ANK3: variants seen among roughly 807,000 people sequenced by gnomAD.
ANK3 encodes ankyrin 3, also known as ankyrin-3.
Under a neutral mutation model 370.9 loss-of-function variants are expected in ANK3, and 57 were observed. The observed-to-expected ratio is 0.15, with a 90% CI of 0.12 to 0.19. ANK3 has a LOEUF of 0.19. Ranked by LOEUF, ANK3 falls within the 10% of genes least tolerant of loss-of-function variation. The pLI is 1.00. For synonymous variants in ANK3, 1,929 were observed against 1,946.3 expected (o/e 0.99, Z 0.23); for missense variants, 4,439 against 5,302.1 (o/e 0.84, Z 5.06).
intron 23 of ANK3, among the ~76,000 whole-genome samples, chr10:60,166,045 T>C (rs1003292298): frequency 1.7e-4 from 26 of 152,270 alleles, no homozygotes; most frequent in African/African-American, 6.3e-4. Context: ...ACATAAAGTA[T>C]AGCTACAATA....
At chr10:60,269,700 C>A (rs1455441627) in intron 5 of ANK3, among the ~76,000 whole-genome samples, 1 of 130,132 alleles carries the variant, frequency 7.7e-6, no homozygotes, top group Non-Finnish European at 1.5e-5. Context: ...TGAATTAAGT[C>A]TAGTTAACTT....
At chr10:60,673,931 T>C (rs74155664) in intron 1 of ANK3, among the ~76,000 whole-genome samples, 1,641 of 152,248 alleles carry the variant, frequency 0.011, 25 homozygotes, top group African/African-American at 0.037. Flanking sequence ...AGGCTGTCTC[T>C]ACACTGGGTG....
intron 1 of ANK3, among the ~76,000 whole-genome samples, chr10:60,345,324 T>G (rs540597582): frequency 1.3e-5 from 2 of 152,302 alleles, no homozygotes; most frequent in South Asian, 4.1e-4. Flanking sequence ...GTTTTAATAG[T>G]TGGCATGCCA....
chr10:60,628,582 G>A (rs913264644), intron 1 of ANK3, among the ~76,000 whole-genome samples: 21 of 152,160 alleles, frequency 1.4e-4, no homozygotes, highest in African/African-American at 5.1e-4. Context: ...AGGAAAGATT[G>A]TTGGAGAGCT....
chr10:60,262,837 T>A (rs1220738619), intron 6 of ANK3, among the ~76,000 whole-genome samples: 3 of 152,180 alleles, frequency 2.0e-5, no homozygotes, highest in Non-Finnish European at 4.4e-5. Context: ...ACATCTAAAG[T>A]GTCCAGACTC....
At position 60,072,702 on chromosome 10, in the gene ANK3, G is replaced by T. The variant is rs1251318793; in HGVS notation, c.8179C>A (p.His2727Asn). ...TGAGACATGTCCTTACTTTTTGCGT[G>T]TGTGCCTTGTTCAAATTTTAATCTA... Reference protein sequence around the residue: ...SIRLKFEQGTHAKSKDMSQED... With the variant: ...SIRLKFEQGTNAKSKDMSQED... The change falls in exon 37 of 44, where the codon CAC becomes AAC. Residue 2727 changes from histidine to asparagine, a missense_variant. Coordinates refer to ENST00000280772, the MANE Select transcript of ANK3 (RefSeq NM_020987.5). The T allele has an allele frequency of 6.2e-7, 1 of 1,613,664 alleles. No homozygotes were observed. Among genetic ancestry groups the T allele is most frequent in the Admixed American group, 1.7e-5 (1 of 59,926 alleles).
intron 10 of ANK3, 148 bp downstream of exon 10, chr10:60,207,888 T>C (rs1565683237): frequency 1.4e-6 from 1 of 717,908 alleles, no homozygotes; most frequent in African/African-American, 1.8e-5. Context: ...TTGTAGACTT[T>C]CCTGAAGGAT....
chr10:60,362,602 C>T (rs376729438), intron 1 of ANK3, among the ~76,000 whole-genome samples: 28 of 152,230 alleles, frequency 1.8e-4, no homozygotes, highest in Middle Eastern at 3.4e-3. Context: ...GTGGTCAGGG[C>T]TGTGGTTTTG....
intron 2 of ANK3, among the ~76,000 whole-genome samples, chr10:60,481,342 T>C (rs1008915093): frequency 6.6e-6 from 1 of 152,206 alleles, no homozygotes; most frequent in African/African-American, 2.4e-5. Flanking sequence ...TTTCACTGTA[T>C]CTGCCAGCAT....
At chr10:60,255,047 G>C (rs972589147) in intron 7 of ANK3, among the ~76,000 whole-genome samples, 26 of 152,138 alleles carry the variant, frequency 1.7e-4, no homozygotes, top group African/African-American at 6.0e-4. Context: ...ATGTGGGAGA[G>C]AGCTATATTT....
intron 2 of ANK3, among the ~76,000 whole-genome samples, chr10:60,477,516 TACACACACACACACACACACACAC>T (rs761752696): frequency 2.6e-4 from 32 of 122,604 alleles, no homozygotes; most frequent in Admixed American, 5.1e-4. Context: ...CAGACAGACA[TACACACACACACACACACACACAC>T]ACACACACAC....
chr10:60,273,373 C>G (rs1292893479), intron 4 of ANK3, among the ~76,000 whole-genome samples: 1 of 152,064 alleles, frequency 6.6e-6, no homozygotes, highest in Non-Finnish European at 1.5e-5. Flanking sequence ...ATAAAGCTCA[C>G]CTTTTAAAAG....
At chr10:60,683,497 C>G (rs2079224565) in intron 1 of ANK3, among the ~76,000 whole-genome samples, 1 of 152,192 alleles carries the variant, frequency 6.6e-6, no homozygotes, top group Non-Finnish European at 1.5e-5. Flanking sequence ...AAAAGGGAAG[C>G]TGAACTAGAA....
chr10:60,689,436 G>A (rs1022789331), intron 1 of ANK3, among the ~76,000 whole-genome samples: 4 of 152,014 alleles, frequency 2.6e-5, no homozygotes, highest in African/African-American at 9.7e-5. Flanking sequence ...TTTATCAAAT[G>A]AAATCACTTA....
At chr10:60,473,355 A>G (rs1469465575) in intron 2 of ANK3, among the ~76,000 whole-genome samples, 3 of 152,234 alleles carry the variant, frequency 2.0e-5, no homozygotes, top group Non-Finnish European at 4.4e-5. Context: ...CATTTTATAA[A>G]GAAAATCCAG....
intron 23 of ANK3, chr10:60,139,402 T>C (rs944129406): frequency 1.1e-4 from 31 of 273,582 alleles, no homozygotes; most frequent in Non-Finnish European, 4.7e-5. Flanking sequence ...ATGTCAGTTA[T>C]AGTTTTCCTC....
intron 43 of ANK3, among the ~76,000 whole-genome samples, chr10:60,041,086 G>A (rs561621618): frequency 8.5e-5 from 13 of 152,110 alleles, no homozygotes; most frequent in Admixed American, 2.6e-4. Flanking sequence ...AAGTTGTGTT[G>A]AAATTTTTTT....
At position 60,237,261 on chromosome 10, in the gene ANK3, C is replaced by T. The variant is rs114798263; in HGVS notation, c.799-2475G>A. On this transcript the variant is annotated intron_variant, in intron 7 of 43. Transcript: ENST00000280772. ...GTGTGTATTGCTCTAGTGACCCAAG[C>T]GGCACAGTGGATGAATTCTAGAGCT... Among the ~76,000 whole-genome samples the T allele has an allele frequency of 1.6e-3, 251 of 152,242 alleles. 1 individual carries two copies. The highest frequency in any genetic ancestry group is 5.6e-3 in the African/African-American group (231 of 41,546).
At chr10:60,600,757 AG>A (rs2078050151) in intron 2 of ANK3, among the ~76,000 whole-genome samples, 1 of 152,190 alleles carries the variant, frequency 6.6e-6, no homozygotes, top group Admixed American at 6.6e-5. Context: ...ATTAGATATT[AG>A]ATATTAATGA....
Sources: allele counts gnomAD v4.1 joint callset (sites outside exome capture counted in the v4.1 genomes callset), GRCh38; gene constraint gnomAD v4.1.1; transcripts MANE v1.5; gene names NCBI Gene and HGNC (gene_info 2026-07-23, HGNC 2026-07-21).